GLB1L3: variants seen among roughly 807,000 people sequenced by gnomAD.
The protein encoded by GLB1L3 is beta-galactosidase-1-like protein 3.
A neutral mutation model predicts 89.5 loss-of-function variants in GLB1L3; 89 were observed. That is an observed-to-expected ratio of 0.99 (90% CI 0.84 to 1.19). The LOEUF is 1.19. GLB1L3 is among the 50% of genes most tolerant of loss of function. The pLI, the probability that GLB1L3 is intolerant of heterozygous loss-of-function variation, is 0.00. For synonymous variants in GLB1L3, 314 were observed against 312.3 expected (o/e 1.01, Z -0.06); for missense variants, 812 against 813.3 (o/e 1.00, Z 0.02).
intron 9 of GLB1L3, among the ~76,000 whole-genome samples, chr11:134,296,285 G>A (rs1299476127): frequency 4.3e-5 from 6 of 140,758 alleles, no homozygotes; most frequent in South Asian, 2.6e-4. Context: ...TCAGTGTGGC[G>A]ATTCCTCAGG....
chr11:134,280,822 A>G (rs988981828), intron 3 of GLB1L3, among the ~76,000 whole-genome samples: 9 of 152,166 alleles, frequency 5.9e-5, no homozygotes, highest in African/African-American at 2.2e-4. Flanking sequence ...ATAACACTCA[A>G]ACATGTTGCC....
rs201858924 is a variant in GLB1L3, at chr11:134,283,696, C to T, written c.528-41C>T. On this transcript the variant is annotated intron_variant, in intron 5 of 19. Coordinates refer to ENST00000431683, the MANE Select transcript of GLB1L3 (RefSeq NM_001080407.3). ...TGAGCCCACTCCTGCTTCCCTCTCC[C>T]AACCCGTCTCAGACCCTGAGCCCGC... is the stretch of plus-strand genomic sequence containing the variant. 193 of 1,221,834 alleles carry T rather than the reference C, an allele frequency of 1.6e-4. 2 individuals are homozygous for T. The African/African-American group carries it at 2.7e-3, about 17-fold the overall frequency. 75.7% of individuals were successfully genotyped at this position (1,221,834 alleles called of 1,614,324 possible). A position where few individuals can be genotyped will look rare whatever the true frequency, so the allele number is the denominator to read the frequency against.
At position 134,309,848 on chromosome 11, in the gene GLB1L3, C is replaced by G. The variant is rs1471857906; in HGVS notation, c.1099+85C>G. 3.4e-6 allele frequency: 5 copies of G among 1,466,174 alleles called. No homozygotes were observed. In the Admixed American group the frequency reaches 5.8e-5, roughly 17 times the overall value. 90.8% of individuals were successfully genotyped at this position (1,466,174 alleles called of 1,614,324 possible). The stretch of plus-strand genomic sequence containing the variant: ...AGGCTCCGGAAGCCTGTTCTGGCAC[C>G]ACTGGGTTCTTGACCTATAATCTAT... On this transcript the variant is annotated intron_variant, in intron 11 of 19. Transcript: ENST00000431683.
Position 134,276,783 on chromosome 11 carries a change from G to A in GLB1L3, c.23+20G>A. ...CCTCAGGTGACGGATCGCCGCTGCCGTCCCGGGCTGCCCACCACCCCGGCG... is the reference window on the plus strand; with the variant it reads ...CCTCAGGTGACGGATCGCCGCTGCCATCCCGGGCTGCCCACCACCCCGGCG... On this transcript the variant is annotated intron_variant, in intron 1 of 19. Transcript: ENST00000431683. The A allele has an allele frequency of 1.4e-6, 2 of 1,421,906 alleles. No individual in the cohort carries two copies. The highest frequency in any genetic ancestry group is 1.8e-6 in the Non-Finnish European group (2 of 1,086,726). 88.1% of individuals were successfully genotyped at this position (1,421,906 alleles called of 1,614,324 possible). A position where few individuals can be genotyped will look rare whatever the true frequency, so the allele number is the denominator to read the frequency against.
chr11:134,290,580 A>T (rs536800278), intron 7 of GLB1L3, among the ~76,000 whole-genome samples: 26 of 48,254 alleles, frequency 5.4e-4, no homozygotes, highest in African/African-American at 1.4e-3. Flanking sequence ...CCCCCCCGCC[A>T]AAAAAAAAGA....
intron 10 of GLB1L3, among the ~76,000 whole-genome samples, chr11:134,308,217 T>TCAC (rs1565412423): frequency 0.048 from 1,509 of 31,362 alleles, 279 homozygotes; most frequent in African/African-American, 0.076. Flanking sequence ...ACCACCACCA[T>TCAC]CACCATCACC....
Position 134,313,481 on chromosome 11 carries a change from T to C in GLB1L3, c.1579+7T>C, listed in dbSNP as rs1221658530. The stretch of plus-strand genomic sequence containing the variant: ...ATACAGAATGAGCAGAAAGGTGGGC[T>C]CTGGCTGTGGCTTCTCCTCAGTTGC... On this transcript the variant is annotated splice_region_variant and intron_variant, in intron 16 of 19. Transcript: ENST00000431683. The C allele has an allele frequency of 8.9e-6, 14 of 1,568,428 alleles. No homozygotes were observed. The highest frequency in any genetic ancestry group is 1.2e-5 in the South Asian group (1 of 85,080).
chr11:134,276,762 A>C lies in GLB1L3; in HGVS notation c.22A>C (p.Ser8Arg). 1 of 1,445,982 alleles carries C rather than the reference A, an allele frequency of 6.9e-7. No homozygotes were observed. Among genetic ancestry groups the C allele is most frequent in the Non-Finnish European group, 9.1e-7 (1 of 1,100,610 alleles). 89.6% of individuals were successfully genotyped at this position (1,445,982 alleles called of 1,614,324 possible). A position where few individuals can be genotyped will look rare whatever the true frequency, so the allele number is the denominator to read the frequency against. ...CGCGATGAAGTCCCCGCCCCTCCTC[A>C]GGTGACGGATCGCCGCTGCCGTCCC... MKSPPLL[S>R]PCLSWKRMAG... The change falls in exon 1 of 20, where the codon AGC becomes CGC. Residue 8 changes from serine to arginine, a missense_variant and splice_region_variant. Physicochemically the swap from Ser to Arg is moderately radical, Grantham distance 110. Transcript: ENST00000431683.
chr11:134,294,864 G>C (rs1157159297), intron 9 of GLB1L3, among the ~76,000 whole-genome samples: 2 of 152,128 alleles, frequency 1.3e-5, no homozygotes, highest in Non-Finnish European at 1.5e-5. Flanking sequence ...TGACTGTCAC[G>C]TACGTAAAGT....
At chr11:134,277,665 C>A in intron 2 of GLB1L3, 35 bp from the exon 3 acceptor site, 2 of 1,577,588 alleles carry the variant, frequency 1.3e-6, no homozygotes, top group East Asian at 2.3e-5. Flanking sequence ...TCCTCTCTCC[C>A]TTTCCACTTT....
chr11:134,309,405 T>G (rs1168046031), intron 10 of GLB1L3, among the ~76,000 whole-genome samples: 1 of 152,178 alleles, frequency 6.6e-6, no homozygotes, highest in African/African-American at 2.4e-5. Context: ...TATAATACTG[T>G]TTTCTTCAAC....
intron 10 of GLB1L3, among the ~76,000 whole-genome samples, chr11:134,308,244 T>TCACCACCAC (rs1565412657): frequency 2.0e-4 from 4 of 19,784 alleles, no homozygotes; most frequent in African/African-American, 5.4e-4. Context: ...ACCATCACCA[T>TCACCACCAC]CACCACCATC....
intron 9 of GLB1L3, among the ~76,000 whole-genome samples, chr11:134,302,811 T>G (rs1425335797): frequency 1.3e-5 from 2 of 152,184 alleles, no homozygotes; most frequent in Non-Finnish European, 2.9e-5. Context: ...CGGTACTGGG[T>G]GCAGTATTCT....
chr11:134,292,333 G>A (rs574967968), intron 8 of GLB1L3, 120 bp downstream of exon 8: 351 of 681,854 alleles, frequency 5.1e-4, no homozygotes, highest in Non-Finnish European at 8.2e-4. Context: ...TGTCCACTGG[G>A]ATGGATCCTG....
intron 18 of GLB1L3, chr11:134,316,710 G>T (rs1490584692): frequency 6.6e-6 from 1 of 152,130 alleles, no homozygotes; most frequent in Non-Finnish European, 1.5e-5. Context: ...TTATCCTGCA[G>T]GTTAGGGCCA....
At position 134,304,029 on chromosome 11, in the gene GLB1L3, C is replaced by T. The variant is rs142735441; in HGVS notation, c.877-3095C>T. On this transcript the variant is annotated intron_variant, in intron 9 of 19. Coordinates refer to ENST00000431683, the MANE Select transcript of GLB1L3 (RefSeq NM_001080407.3). ...TTTGTTTTCTGCAGTTGAACTATGT[C>T]TCTTTCTGAGTGTCTTTTTATTTAT... Among the ~76,000 whole-genome samples the T allele has an allele frequency of 5.3e-4, 81 of 152,164 alleles. 1 individual carries two copies. The highest frequency in any genetic ancestry group is 1.8e-3 in the African/African-American group (76 of 41,534).
intron 7 of GLB1L3, among the ~76,000 whole-genome samples, chr11:134,290,370 C>T (rs1439027629): frequency 6.6e-6 from 1 of 152,016 alleles, no homozygotes; most frequent in African/African-American, 2.4e-5. Context: ...GTCAGGAGTT[C>T]GAGACCAGCC....
chr11:134,311,208 T>C, intron 13 of GLB1L3, 38 bp downstream of exon 13: 1 of 1,396,344 alleles, frequency 7.2e-7, no homozygotes. Context: ...GAGTGGCCAT[T>C]GGAGGGATGG....
At chr11:134,308,489 TCACCACCAAATACCACCACCA>T (rs1942486506) in intron 10 of GLB1L3, among the ~76,000 whole-genome samples, 1 of 6,102 alleles carries the variant, frequency 1.6e-4, no homozygotes, top group African/African-American at 8.6e-4. Context: ...ACCACCACCA[TCACCACCAAATACCACCACCA>T]CCACCACCAT....
Sources: gnomAD v4.1 joint callset for allele counts (sites outside exome capture counted in the v4.1 genomes callset) on GRCh38, gnomAD v4.1.1 for gene constraint, MANE v1.5 for transcripts, NCBI Gene and HGNC (gene_info 2026-07-23, HGNC 2026-07-21) for gene names.